CGGBP1: variants seen among roughly 807,000 people sequenced by gnomAD.
The protein encoded by CGGBP1 is CGG triplet repeat binding protein 1.
In CGGBP1, 4 loss-of-function variants were observed where a neutral mutation model predicts 11.4. The ratio of observed to expected loss-of-function variants is 0.35; its 90% CI spans 0.17 to 0.80. The LOEUF is 0.80. CGGBP1 is among the 30% of genes least tolerant of loss of function. The probability of loss-of-function intolerance (pLI) is 0.52; values close to 1 mark genes in which losing one functional copy is unlikely to be tolerated. For synonymous variants in CGGBP1, 76 were observed against 74.1 expected (o/e 1.03, Z -0.13); for missense variants, 135 against 202.1 (o/e 0.67, Z 2.01).
chr3:88,126,449 T>C (rs4858933), intron 2 of CGGBP1, among the ~76,000 whole-genome samples: 143,115 of 152,154 alleles, frequency 0.94, 67,835 homozygotes, highest in Non-Finnish European at 1. Context: ...TTCTGACACC[T>C]GGATCGGTAC....
chr3:88,140,685 A>G, intron 2 of CGGBP1: 4 of 1,613,724 alleles, frequency 2.5e-6, no homozygotes, highest in Non-Finnish European at 3.4e-6. Flanking sequence ...CAGGACAGAA[A>G]ATGGTTCCAT....
At chr3:88,125,644 G>A (rs1706055196) in intron 2 of CGGBP1, among the ~76,000 whole-genome samples, 1 of 152,050 alleles carries the variant, frequency 6.6e-6, no homozygotes, top group Non-Finnish European at 1.5e-5. Context: ...CTTCTACCAC[G>A]ATTTAGATTA....
chr3:88,101,260 A>C (rs1317195649), intron 2 of CGGBP1, among the ~76,000 whole-genome samples: 2 of 152,140 alleles, frequency 1.3e-5, no homozygotes, highest in Non-Finnish European at 2.9e-5. Context: ...AAGCTCCCTC[A>C]TGCTCATTTG....
intron 1 of CGGBP1, chr3:88,142,811 C>T (rs1189356828): frequency 1.3e-5 from 2 of 152,102 alleles, no homozygotes; most frequent in Non-Finnish European, 3.0e-5. Flanking sequence ...TGCACAAGAA[C>T]ACAGTAAGAG....
At chr3:88,138,344 CAAA>C (rs1051416640) in intron 2 of CGGBP1, among the ~76,000 whole-genome samples, 14 of 152,088 alleles carry the variant, frequency 9.2e-5, no homozygotes, top group African/African-American at 3.4e-4. Flanking sequence ...ACCCTTCTCT[CAAA>C]GAATATGAGA....
At chr3:88,124,702 A>G (rs1184699426) in intron 2 of CGGBP1, among the ~76,000 whole-genome samples, 1 of 151,814 alleles carries the variant, frequency 6.6e-6, no homozygotes, top group Non-Finnish European at 1.5e-5. Context: ...CGTTTTTAAT[A>G]TCAGAGATTT....
intron 2 of CGGBP1, among the ~76,000 whole-genome samples, chr3:88,085,343 T>C (rs897702869): frequency 6.6e-6 from 1 of 152,260 alleles, no homozygotes; most frequent in Non-Finnish European, 1.5e-5. Flanking sequence ...CATAAATGGA[T>C]GAACCTGGTT....
intron 2 of CGGBP1, among the ~76,000 whole-genome samples, chr3:88,110,339 T>C (rs761180807): frequency 6.6e-6 from 1 of 152,120 alleles, no homozygotes; most frequent in Non-Finnish European, 1.5e-5. Flanking sequence ...AATAGGTCTG[T>C]GTTGTCACTG....
In CGGBP1 at chr3:88,054,537, T is replaced by G. The variant is rs998448230; in HGVS notation, c.*936A>C. 3 of 152,186 alleles carry G rather than the reference T, an allele frequency of 2.0e-5. No individual in the cohort carries two copies. Among genetic ancestry groups the G allele is most frequent in the African/African-American group, 7.2e-5 (3 of 41,514 alleles). The allele number at this position is 152,186 out of a possible 1,614,324, so 9.4% of individuals were successfully genotyped here. ...GTCTAGACTATTCACCTAAATAAAC[T>G]CATAAAGTTGTAGAGAAAAATTAAT... On this transcript the variant is annotated 3_prime_UTR_variant, in exon 4 of 4. Coordinates refer to ENST00000482016, the MANE Select transcript of CGGBP1 (RefSeq NM_001008390.2).
chr3:88,138,854 A>G (rs1559735720), intron 2 of CGGBP1: 1 of 1,231,980 alleles, frequency 8.1e-7, no homozygotes, highest in Non-Finnish European at 1.0e-6. Flanking sequence ...GGATTTGTGC[A>G]CTCTCAATAT....
intron 2 of CGGBP1, chr3:88,135,414 C>T (rs747106725): frequency 1.7e-5 from 6 of 352,392 alleles, no homozygotes; most frequent in Non-Finnish European, 2.5e-5. Flanking sequence ...AACATGGAAG[C>T]AATTGCTTCC....
intron 2 of CGGBP1, among the ~76,000 whole-genome samples, chr3:88,089,853 G>GAATAAGTC (rs1204309586): frequency 6.6e-6 from 1 of 152,308 alleles, no homozygotes; most frequent in East Asian, 1.9e-4. Flanking sequence ...GGGAAAAGGA[G>GAATAAGTC]AATAAGTCAT....
At chr3:88,135,145 A>G (rs778986406) in intron 2 of CGGBP1, 530 of 1,492,346 alleles carry the variant, frequency 3.6e-4, no homozygotes, top group Non-Finnish European at 4.5e-4. Context: ...ACCAGCTTTT[A>G]AGAACAGCAA....
intron 2 of CGGBP1, among the ~76,000 whole-genome samples, chr3:88,138,374 TAAATG>T (rs1407458855): frequency 6.6e-6 from 1 of 152,098 alleles, no homozygotes; most frequent in Non-Finnish European, 1.5e-5. Flanking sequence ...CCTACAATAA[TAAATG>T]GGGGTCTAGA....
chr3:88,056,080 A>G, intron 3 of CGGBP1, 81 bp from the exon 4 acceptor site: 1 of 1,049,268 alleles, frequency 9.5e-7, no homozygotes, highest in Non-Finnish European at 1.4e-6. Context: ...GGCAGTATAT[A>G]AACACTTCAA....
chr3:88,062,560 T>A (rs1440858087), upstream of CGGBP1, among the ~76,000 whole-genome samples: 1 of 152,226 alleles, frequency 6.6e-6, no homozygotes, highest in Non-Finnish European at 1.5e-5. Context: ...TTCTAATTCC[T>A]GAAAGTTTTA....
intron 3 of CGGBP1, chr3:88,056,855 T>C (rs1357918740): frequency 6.6e-6 from 1 of 152,212 alleles, no homozygotes; most frequent in Non-Finnish European, 1.5e-5. Flanking sequence ...ATTTATTTAA[T>C]CTAGAAGCAG....
At chr3:88,114,812 C>T (rs1247020035) in intron 2 of CGGBP1, among the ~76,000 whole-genome samples, 1 of 152,190 alleles carries the variant, frequency 6.6e-6, no homozygotes, top group African/African-American at 2.4e-5. Context: ...ACATGTAGTC[C>T]ATCATGTATA....
At chr3:88,056,123 CTG>C (rs1330208364) in intron 3 of CGGBP1, 124 bp from the exon 4 acceptor site, 5 of 669,844 alleles carry the variant, frequency 7.5e-6, no homozygotes, top group Non-Finnish European at 1.2e-5. Flanking sequence ...AATTAGTAGA[CTG>C]TGTGTCTATT....
Sources: gnomAD v4.1 joint callset for allele counts (sites outside exome capture counted in the v4.1 genomes callset) on GRCh38, gnomAD v4.1.1 for gene constraint, MANE v1.5 for transcripts, NCBI Gene and HGNC (gene_info 2026-07-23, HGNC 2026-07-21) for gene names.